The following ADARB2 variants were observed in gnomAD, a reference collection of about 807,000 sequenced individuals.
The protein encoded by ADARB2 is adenosine deaminase RNA specific B2 (inactive).
ADARB2 carries 25 observed loss-of-function variants against 62.2 expected under a neutral mutation model. That is an observed-to-expected ratio of 0.40 (90% CI 0.29 to 0.56). The LOEUF (loss-of-function observed/expected upper bound fraction) is 0.56, where lower values mean the gene tolerates loss of function less well. ADARB2 is among the 20% of genes least tolerant of loss of function. ADARB2 has a pLI of 0.43. For synonymous variants in ADARB2, 572 were observed against 500.8 expected (o/e 1.14, Z -1.90); for missense variants, 1,071 against 1,077.4 (o/e 0.99, Z 0.08).
intron 1 of ADARB2, among the ~76,000 whole-genome samples, chr10:1,580,410 A>G (rs945921501): frequency 1.3e-5 from 2 of 151,564 alleles, no homozygotes; most frequent in East Asian, 1.9e-4. Flanking sequence ...ATGCTATGCC[A>G]TATTTCTAAA....
At chr10:1,474,343 G>A (rs1332054300) in intron 1 of ADARB2, among the ~76,000 whole-genome samples, 1 of 152,196 alleles carries the variant, frequency 6.6e-6, no homozygotes, top group African/African-American at 2.4e-5. Flanking sequence ...CTGCAGTTTG[G>A]GGATGAGCTT....
rs143216293 is a variant in ADARB2 at position 1,231,349 on chromosome 10, C to T, written c.1513+2345G>A. 2.7e-4 allele frequency among the ~76,000 whole-genome samples: 41 copies of T among 152,280 alleles called. 2 individuals are homozygous for T. The East Asian group carries it at 6.6e-3, about 24-fold the overall frequency. ...AATGGACCAGATTTCACAAAATTCC[C>T]AATAGCTGTGCAGTGTACCAGATTT... On this transcript the variant is annotated intron_variant, in intron 6 of 9. Coordinates refer to ENST00000381312, the MANE Select transcript of ADARB2 (RefSeq NM_018702.4).
At chr10:1,258,717 A>G (rs1465060052) in intron 4 of ADARB2, among the ~76,000 whole-genome samples, 2 of 152,218 alleles carry the variant, frequency 1.3e-5, no homozygotes, top group Non-Finnish European at 2.9e-5. Context: ...TTAACACCCC[A>G]CTGTCAACAT....
intron 3 of ADARB2, among the ~76,000 whole-genome samples, chr10:1,326,245 G>T (rs1373339492): frequency 6.6e-6 from 1 of 152,172 alleles, no homozygotes; most frequent in Non-Finnish European, 1.5e-5. Flanking sequence ...AGGCTGAGCC[G>T]ATTTTAACTC....
intron 1 of ADARB2, among the ~76,000 whole-genome samples, chr10:1,552,483 A>G (rs1832639999): frequency 6.6e-6 from 1 of 152,250 alleles, no homozygotes; most frequent in Non-Finnish European, 1.5e-5. Context: ...CAGTGGCTCC[A>G]GAGAACATGG....
rs561454130 is a variant in ADARB2 at position 1,269,191 on chromosome 10, C to T, written c.1192+1764G>A. ...ACCTGAGTTATTCAGAAATCTGTAGCAGAAATCTGTGTAACACTCCACATT... is the reference window on the plus strand; with the variant it reads ...ACCTGAGTTATTCAGAAATCTGTAGTAGAAATCTGTGTAACACTCCACATT... On this transcript the variant is annotated intron_variant, in intron 4 of 9. Coordinates refer to ENST00000381312, the MANE Select transcript of ADARB2 (RefSeq NM_018702.4). Among the ~76,000 whole-genome samples, 3 of 152,042 alleles carry T rather than the reference C, an allele frequency of 2.0e-5. No homozygotes were observed. The South Asian group carries it at 6.2e-4, about 32-fold the overall frequency.
At chr10:1,695,453 C>T (rs1052975429) in intron 1 of ADARB2, among the ~76,000 whole-genome samples, 2 of 152,162 alleles carry the variant, frequency 1.3e-5, no homozygotes, top group African/African-American at 4.8e-5. Context: ...CTTTAGGGGT[C>T]GTTACCATTG....
intron 3 of ADARB2, among the ~76,000 whole-genome samples, chr10:1,338,652 T>C (rs754926303): frequency 6.6e-6 from 1 of 152,176 alleles, no homozygotes; most frequent in Non-Finnish European, 1.5e-5. Context: ...ATCTAAAACA[T>C]GAATGGAAAT....
intron 3 of ADARB2, among the ~76,000 whole-genome samples, chr10:1,314,226 C>A (rs138769580): frequency 8.5e-5 from 13 of 152,324 alleles, no homozygotes; most frequent in African/African-American, 2.2e-4. Flanking sequence ...ACCATCAACA[C>A]CTGCTCCCCA....
At chr10:1,539,167 C>A (rs1006907459) in intron 1 of ADARB2, among the ~76,000 whole-genome samples, 1 of 152,210 alleles carries the variant, frequency 6.6e-6, no homozygotes, top group South Asian at 2.1e-4. Context: ...GGTTCAAAGC[C>A]GGCCTTAGGA....
intron 1 of ADARB2, among the ~76,000 whole-genome samples, chr10:1,653,577 A>C (rs10794783): frequency 5.1e-4 from 74 of 144,886 alleles, no homozygotes; most frequent in African/African-American, 1.9e-3. Flanking sequence ...CCCACGCCTC[A>C]TGTGCCTGCA....
At chr10:1,373,084 A>T (rs1313348406) in intron 2 of ADARB2, among the ~76,000 whole-genome samples, 1 of 152,222 alleles carries the variant, frequency 6.6e-6, no homozygotes, top group Non-Finnish European at 1.5e-5. Context: ...AGCAGATTCA[A>T]TGCCATCCCT....
intron 1 of ADARB2, among the ~76,000 whole-genome samples, chr10:1,384,107 G>A (rs1832506495): frequency 6.6e-6 from 1 of 152,164 alleles, no homozygotes; most frequent in African/African-American, 2.4e-5. Flanking sequence ...AAAATCAGAT[G>A]GACTCTCCTC....
chr10:1,591,749 G>C (rs192261031), intron 1 of ADARB2, among the ~76,000 whole-genome samples: 2 of 152,296 alleles, frequency 1.3e-5, no homozygotes, highest in African/African-American at 4.8e-5. Context: ...TGTTATGCTT[G>C]TCTGACATGA....
chr10:1,196,413 C>T (rs889664351), intron 8 of ADARB2, among the ~76,000 whole-genome samples: 76 of 151,820 alleles, frequency 5.0e-4, no homozygotes, highest in African/African-American at 1.6e-3. Context: ...ATCAATTTCT[C>T]GATGTTGGAT....
intron 3 of ADARB2, among the ~76,000 whole-genome samples, chr10:1,329,978 C>A (rs1292500668): frequency 7.7e-6 from 1 of 130,188 alleles, no homozygotes; most frequent in Non-Finnish European, 1.6e-5. Flanking sequence ...TTAGATAGGA[C>A]GGGAATGTTT....
chr10:1,375,805 CACCACACACATG>C (rs1453012927), intron 2 of ADARB2, among the ~76,000 whole-genome samples: 1 of 118,614 alleles, frequency 8.4e-6, no homozygotes, highest in African/African-American at 2.7e-5. Context: ...CGCACACACA[CACCACACACATG>C]CACACACACA....
intron 3 of ADARB2, among the ~76,000 whole-genome samples, chr10:1,350,056 C>T (rs915457642): frequency 6.6e-6 from 1 of 152,168 alleles, no homozygotes; most frequent in African/African-American, 2.4e-5. Flanking sequence ...CTTCAACTCT[C>T]GCCTGACCTA....
At chr10:1,464,936 A>C (rs1190582535) in intron 1 of ADARB2, among the ~76,000 whole-genome samples, 1 of 152,170 alleles carries the variant, frequency 6.6e-6, no homozygotes, top group Non-Finnish European at 1.5e-5. Flanking sequence ...CCCCTCCAAG[A>C]CCCACACGGG....
Sources: gnomAD v4.1 joint callset for allele counts (sites outside exome capture counted in the v4.1 genomes callset) on GRCh38, gnomAD v4.1.1 for gene constraint, MANE v1.5 for transcripts, NCBI Gene and HGNC (gene_info 2026-07-23, HGNC 2026-07-21) for gene names.